Variants in USH2A observed in about 807,000 individuals in gnomAD.
The protein encoded by USH2A is usherin, also known as Usher syndrome 2A (autosomal recessive, mild).
USH2A carries 443 observed loss-of-function variants against 538.9 expected under a neutral mutation model. The observed-to-expected ratio is 0.82, with a 90% CI of 0.76 to 0.89. The LOEUF (loss-of-function observed/expected upper bound fraction) is 0.89, where lower values mean the gene tolerates loss of function less well. USH2A is among the 40% of genes least tolerant of loss of function. The probability of loss-of-function intolerance (pLI) is 0.00; values close to 1 mark genes in which losing one functional copy is unlikely to be tolerated. For synonymous variants in USH2A, 2,413 were observed against 2,273.5 expected, an observed-to-expected ratio of 1.06 and a Z score of -1.75; for missense variants, 6,633 against 6,324.8, an observed-to-expected ratio of 1.05 and a Z score of -1.65.
At chr1:215,645,176 G>A (rs532055677) in intron 67 of USH2A, among the ~76,000 whole-genome samples, 1 of 152,252 alleles carries the variant, frequency 6.6e-6, no homozygotes, top group Admixed American at 6.5e-5. Context: ...AGAAATGGGT[G>A]AGCTGGGTTG....
At chr1:216,218,174 A>G (rs1036968046) in intron 14 of USH2A, among the ~76,000 whole-genome samples, 6 of 152,160 alleles carry the variant, frequency 3.9e-5, no homozygotes, top group Non-Finnish European at 5.9e-5. Context: ...TGGAGAATAC[A>G]GCATTATTCT....
chr1:215,846,408 C>G (rs1164258126), intron 44 of USH2A, among the ~76,000 whole-genome samples: 1 of 152,016 alleles, frequency 6.6e-6, no homozygotes, highest in Non-Finnish European at 1.5e-5. Flanking sequence ...GACACAGGGT[C>G]TTGCTATGTT....
At chr1:215,857,235 C>G (rs1353842977) in intron 44 of USH2A, among the ~76,000 whole-genome samples, 2 of 151,950 alleles carry the variant, frequency 1.3e-5, no homozygotes, top group Admixed American at 6.6e-5. Context: ...ACAGCTATAG[C>G]TTAGATTTTT....
At chr1:216,032,411 C>A (rs937261771) in intron 32 of USH2A, among the ~76,000 whole-genome samples, 1 of 151,980 alleles carries the variant, frequency 6.6e-6, no homozygotes, top group African/African-American at 2.4e-5. Context: ...ACCAGGAAAC[C>A]AAGGCTTAGT....
At chr1:216,397,713 G>T (rs1236398566) in intron 3 of USH2A, among the ~76,000 whole-genome samples, 2 of 152,196 alleles carry the variant, frequency 1.3e-5, no homozygotes, top group Admixed American at 6.5e-5. Context: ...GGGTTCTCAG[G>T]CTTTCAGCCT....
rs141694022 is a variant in USH2A, at chr1:215,775,380, G to C, written c.10939+4463C>G. On this transcript the variant is annotated intron_variant, in intron 55 of 71. Coordinates refer to ENST00000307340, the MANE Select transcript of USH2A (RefSeq NM_206933.4). ...GTCTGCGATTTAGATACGTTTGACA[G>C]TGGCATTTTTATCTCCATTCAAAAC... Among the ~76,000 whole-genome samples, 206 of 152,302 alleles carry C rather than the reference G, an allele frequency of 1.4e-3. 1 individual carries two copies. The highest frequency in any genetic ancestry group is 2.2e-3 in the Non-Finnish European group (148 of 68,018).
intron 11 of USH2A, among the ~76,000 whole-genome samples, chr1:216,262,742 A>G (rs974471739): frequency 1.3e-5 from 2 of 152,128 alleles, no homozygotes; most frequent in Admixed American, 1.3e-4. Context: ...TCCCAAATGT[A>G]TTTAACTAGA....
At chr1:215,844,058 T>G (rs1320142201) in intron 46 of USH2A, among the ~76,000 whole-genome samples, 1 of 152,186 alleles carries the variant, frequency 6.6e-6, no homozygotes, top group Non-Finnish European at 1.5e-5. Context: ...AGTGAGAATT[T>G]CATCACCATC....
chr1:216,382,283 T>C (rs2038934714), intron 3 of USH2A, among the ~76,000 whole-genome samples: 1 of 152,176 alleles, frequency 6.6e-6, no homozygotes, highest in Admixed American at 6.6e-5. Context: ...AAGAAAAGGC[T>C]TCCTGAAAAT....
intron 61 of USH2A, among the ~76,000 whole-genome samples, chr1:215,691,661 CTTG>C (rs1658616725): frequency 6.6e-6 from 1 of 152,126 alleles, no homozygotes; most frequent in South Asian, 2.1e-4. Context: ...ATGATTATTG[CTTG>C]TTGTCTGTCT....
chr1:215,676,705 C>T (rs1483750757), intron 62 of USH2A, among the ~76,000 whole-genome samples: 1 of 152,210 alleles, frequency 6.6e-6, no homozygotes, highest in African/African-American at 2.4e-5. Flanking sequence ...GGCAAGACCA[C>T]CCCCATGTGG....
At position 216,072,966 on chromosome 1, in the gene USH2A, T is replaced by C. The variant is rs770871093; in HGVS notation, c.5780A>G (p.Tyr1927Cys). ...YEGGLQPFTE[Y>C]LYRVIASHEG... ...ATGCGAGGCTATCACTCGATACAGG[T>C]ATTCTTAAATGGAAATAAGATGCAG... Residue 1927 changes from tyrosine (Y) to cysteine (C), a missense_variant, in exon 29 of 72, where the codon TAC (tyrosine) becomes TGC (cysteine). Coordinates refer to ENST00000307340, the MANE Select transcript of USH2A (RefSeq NM_206933.4). The C allele has an allele frequency of 2.9e-5, 47 of 1,613,828 alleles. No individual in the cohort carries two copies. Among genetic ancestry groups the C allele is most frequent in the Non-Finnish European group, 3.5e-5 (41 of 1,179,880 alleles).
chr1:215,782,178 A>T lies in USH2A; in HGVS notation c.10604T>A (p.Ile3535Asn), dbSNP rs1179621516. ...IQSNGPIIYY[I>N]LLRNGIERFR... is the part of the protein sequence containing the mutation. ...ACGTTCAATTCCATTTCGAAGAAGG[A>T]TGTAGTAAATAATAGGACCTAAAAG... Residue 3535 changes from isoleucine (I) to asparagine (N), a missense_variant, in exon 54 of 72, where the codon ATC becomes AAC. Transcript: ENST00000307340. 3.1e-6 allele frequency: 5 copies of T among 1,613,808 alleles called. No homozygotes were observed. Among genetic ancestry groups the T allele is most frequent in the African/African-American group, 2.7e-5 (2 of 74,922 alleles).
intron 12 of USH2A, among the ~76,000 whole-genome samples, chr1:216,249,420 T>C (rs2036115004): frequency 6.6e-6 from 1 of 152,144 alleles, no homozygotes; most frequent in African/African-American, 2.4e-5. Flanking sequence ...TATTTCACTG[T>C]CTTTAAAGGT....
At chr1:216,292,062 G>C in intron 10 of USH2A, 113 bp downstream of exon 10, 1 of 1,238,128 alleles carries the variant, frequency 8.1e-7, no homozygotes, top group Non-Finnish European at 1.2e-6. Flanking sequence ...AAACTTAAAG[G>C]TATGAAAGTA....
At chr1:216,415,477 C>T (rs910851768) in intron 3 of USH2A, among the ~76,000 whole-genome samples, 1 of 150,372 alleles carries the variant, frequency 6.7e-6, no homozygotes, top group African/African-American at 2.5e-5. Flanking sequence ...AATCAGATTT[C>T]CCAACTCCTA....
At chr1:216,323,301 T>TATAA (rs1553250566) in intron 8 of USH2A, among the ~76,000 whole-genome samples, 173 bp downstream of exon 8, 2 of 137,128 alleles carry the variant, frequency 1.5e-5, no homozygotes, top group South Asian at 2.3e-4. Flanking sequence ...TATATATATA[T>TATAA]AACAATGTTA....
chr1:216,033,097 T>C (rs890662609), intron 32 of USH2A, among the ~76,000 whole-genome samples: 2 of 152,142 alleles, frequency 1.3e-5, no homozygotes, highest in Admixed American at 1.3e-4. Context: ...GCTGTAGCAA[T>C]GGAAATAACT....
At chr1:215,663,258 G>T (rs1657499400) in intron 64 of USH2A, among the ~76,000 whole-genome samples, 1 of 152,114 alleles carries the variant, frequency 6.6e-6, no homozygotes, top group Admixed American at 6.5e-5. Flanking sequence ...GTGAGATCCT[G>T]GGGGGATCGG....
Sources: allele counts gnomAD v4.1 joint callset (sites outside exome capture counted in the v4.1 genomes callset), GRCh38; gene constraint gnomAD v4.1.1; transcripts MANE v1.5; gene names NCBI Gene and HGNC (gene_info 2026-07-23, HGNC 2026-07-21).